FAAH2: variants seen among roughly 807,000 people sequenced by gnomAD.
FAAH2 encodes the protein fatty-acid amide hydrolase 2.
Under a neutral mutation model 36.9 loss-of-function variants are expected in FAAH2, and 60 were observed. That is an observed-to-expected ratio of 1.63 (90% confidence interval 1.32 to 2.02). FAAH2 has a LOEUF of 2.02. Ranked by LOEUF, FAAH2 falls within the 30% of genes most tolerant of loss-of-function variation. The pLI, the probability that FAAH2 is intolerant of heterozygous loss-of-function variation, is 0.00. For synonymous variants in FAAH2, 214 were observed against 143.8 expected (o/e 1.49, Z -3.49); for missense variants, 689 against 397.5 (o/e 1.73, Z -6.23).
chrX:57,299,681 T>C (rs2052277581), intron 2 of FAAH2, among the ~76,000 whole-genome samples: 1 of 111,794 alleles, frequency 8.9e-6, no homozygotes, highest in Non-Finnish European at 1.9e-5. Context: ...TGTTTGCAGA[T>C]GACATGATTG....
intron 3 of FAAH2, among the ~76,000 whole-genome samples, chrX:57,323,581 A>C (rs1357802199): frequency 1.8e-5 from 2 of 111,133 alleles, no homozygotes; most frequent in African/African-American, 3.3e-5. Flanking sequence ...TCTCTGATGG[A>C]CAGTGATGAT....
chrX:57,404,432 G>T (rs1569321541), intron 7 of FAAH2, among the ~76,000 whole-genome samples: 1 of 111,510 alleles, frequency 9.0e-6, no homozygotes, highest in African/African-American at 3.3e-5. Flanking sequence ...TACTCAATTT[G>T]CTTTCATCCT....
At chrX:57,339,909 A>G (rs990022598) in intron 4 of FAAH2, among the ~76,000 whole-genome samples, 1 of 112,002 alleles carries the variant, frequency 8.9e-6, no homozygotes, top group East Asian at 2.8e-4. Flanking sequence ...TGTGTTAGTC[A>G]GGGTTCTCTA....
chrX:57,123,026 A>T, the FAAH2 span, among the ~76,000 whole-genome samples: 1 of 111,417 alleles, frequency 9.0e-6, no homozygotes, highest in Admixed American at 9.5e-5. Context: ...ATTATATTTT[A>T]AGTTCTAGGG....
the FAAH2 span, among the ~76,000 whole-genome samples, chrX:57,216,597 T>C: frequency 0.014 from 172 of 12,377 alleles, 3 homozygotes; most frequent in Middle Eastern, 0.083. Context: ...TGTATATATA[T>C]GTATATATAT....
chrX:57,397,922 C>T, intron 7 of FAAH2, among the ~76,000 whole-genome samples: 1 of 98,648 alleles, frequency 1.0e-5, no homozygotes, highest in Admixed American at 1.2e-4. Flanking sequence ...TCTCATTGTT[C>T]AATTCCCACC....
chrX:57,213,353 T>G, the FAAH2 span, among the ~76,000 whole-genome samples: 3 of 111,705 alleles, frequency 2.7e-5, no homozygotes, highest in Non-Finnish European at 3.8e-5. Flanking sequence ...TCTTTGTTAT[T>G]TCTTTTCTTC....
At chrX:57,231,034 AGT>A in the FAAH2 span, among the ~76,000 whole-genome samples, 1,998 of 94,163 alleles carry the variant, frequency 0.021, 19 homozygotes, top group Middle Eastern at 0.028. Context: ...CTCCAAAGGA[AGT>A]GTGTGTGTGT....
At chrX:57,355,438 A>G (rs2054135435) in intron 5 of FAAH2, among the ~76,000 whole-genome samples, 1 of 111,138 alleles carries the variant, frequency 9.0e-6, no homozygotes. Context: ...ATCCATGGAC[A>G]TGAAATGCCA....
intron 3 of FAAH2, among the ~76,000 whole-genome samples, chrX:57,328,735 C>A (rs756795913): frequency 9.0e-6 from 1 of 111,392 alleles, no homozygotes; most frequent in Non-Finnish European, 1.9e-5. Context: ...GAGAGTTTTT[C>A]TTTTATTCTA....
At chrX:57,427,664 A>C (rs1373877010) in intron 7 of FAAH2, among the ~76,000 whole-genome samples, 1 of 111,935 alleles carries the variant, frequency 8.9e-6, no homozygotes, top group Non-Finnish European at 1.9e-5. Flanking sequence ...CCATATGATC[A>C]TCTCCATAGA....
intron 5 of FAAH2, among the ~76,000 whole-genome samples, chrX:57,353,797 A>G: frequency 1.1e-5 from 1 of 90,854 alleles, no homozygotes; most frequent in Non-Finnish European, 2.2e-5. Context: ...GGACATAAAC[A>G]GACATTTTTC....
At chrX:57,268,614 A>C in the FAAH2 span, among the ~76,000 whole-genome samples, 3 of 111,834 alleles carry the variant, frequency 2.7e-5, no homozygotes, top group Non-Finnish European at 5.6e-5. Context: ...AGGACCAGGT[A>C]AACTACAATG....
the FAAH2 span, among the ~76,000 whole-genome samples, chrX:57,194,456 C>T: frequency 2.7e-5 from 3 of 110,580 alleles, no homozygotes; most frequent in Non-Finnish European, 5.7e-5. Context: ...TTTATAAGCA[C>T]TTCATTGATC....
intron 3 of FAAH2, among the ~76,000 whole-genome samples, chrX:57,321,139 CAA>C (rs35603687): frequency 1.0e-5 from 1 of 98,088 alleles, no homozygotes; most frequent in Non-Finnish European, 2.1e-5. Flanking sequence ...GACTCCATCT[CAA>C]AAAAAAAAAG....
chrX:57,211,017 T>C, the FAAH2 span, among the ~76,000 whole-genome samples: 1 of 112,114 alleles, frequency 8.9e-6, no homozygotes, highest in Admixed American at 9.5e-5. Context: ...CAAAATTAGA[T>C]CATTATGTGT....
chrX:57,481,856 G>T (rs1478628226), intron 10 of FAAH2, among the ~76,000 whole-genome samples: 2 of 111,993 alleles, frequency 1.8e-5, no homozygotes, highest in Admixed American at 1.9e-4. Flanking sequence ...TGCTCCCACA[G>T]CTACCCCTTC....
At chrX:57,165,069 G>A in the FAAH2 span, among the ~76,000 whole-genome samples, 1 of 112,279 alleles carries the variant, frequency 8.9e-6, no homozygotes, top group African/African-American at 3.2e-5. Context: ...TGGAGAAATA[G>A]GAACACTTTT....
rs1462182431 is a variant in FAAH2 at position 57,393,793 on chromosome X, C to T, written c.996+12764C>T. 2.4e-5 allele frequency: 21 copies of T among 880,400 alleles called. No individual in the cohort carries two copies. In the East Asian group the frequency reaches 3.4e-4, roughly 14 times the overall value. The allele number at this position is 880,400 out of a possible 1,213,427, so 72.6% of individuals were successfully genotyped here. On this transcript the variant is annotated intron_variant, in intron 7 of 10. Transcript: ENST00000374900. ...GGACCGTCTGTGTGTGACTTTTCTT[C>T]GTTGGAGCCTGTCCAATCGTGATCT... is the stretch of plus-strand genomic sequence containing the variant.
Sources: allele counts gnomAD v4.1 joint callset (sites outside exome capture counted in the v4.1 genomes callset), GRCh38; gene constraint gnomAD v4.1.1; transcripts MANE v1.5; gene names NCBI Gene and HGNC (gene_info 2026-07-23, HGNC 2026-07-21).